Variants in FER observed in about 807,000 individuals in gnomAD.
The protein encoded by FER is tyrosine-protein kinase Fer.
Under a neutral mutation model 111.0 loss-of-function variants are expected in FER, and 63 were observed. That is an observed-to-expected ratio of 0.57 (90% CI 0.46 to 0.70). The LOEUF is 0.70. FER is among the 30% of genes least tolerant of loss of function. FER has a pLI of 0.00. For missense variants in FER, 914 were observed against 954.0 expected (o/e 0.96, Z 0.55); for synonymous variants, 327 against 313.9 (o/e 1.04, Z -0.44).
intron 11 of FER, among the ~76,000 whole-genome samples, chr5:108,947,167 T>G (rs1360073964): frequency 6.6e-6 from 1 of 152,060 alleles, no homozygotes; most frequent in Admixed American, 6.6e-5. Context: ...CGTTTTCAAG[T>G]GTTTTTCTGT....
At chr5:108,996,572 G>GGT (rs1373548493) in intron 13 of FER, among the ~76,000 whole-genome samples, 1 of 152,162 alleles carries the variant, frequency 6.6e-6, no homozygotes, top group Non-Finnish European at 1.5e-5. Flanking sequence ...GATGGTTGTA[G>GGT]GTGTGTGGTG....
chr5:108,909,388 G>T (rs10515396), intron 10 of FER, among the ~76,000 whole-genome samples: 40,277 of 151,980 alleles, frequency 0.27, 5,877 homozygotes, highest in African/African-American at 0.37. Context: ...TGAAGGATGT[G>T]ATCTGAAACT....
intron 17 of FER, among the ~76,000 whole-genome samples, chr5:109,128,850 A>T (rs1752040281): frequency 2.0e-5 from 3 of 152,102 alleles, no homozygotes; most frequent in Admixed American, 2.0e-4. Context: ...CTGGAAAAAT[A>T]TGTCACAAAA....
At chr5:108,822,722 T>A (rs151329179) in intron 3 of FER, among the ~76,000 whole-genome samples, 8,000 of 130,544 alleles carry the variant, frequency 0.061, 269 homozygotes, top group Non-Finnish European at 0.07. Context: ...TATTTTATTT[T>A]ATTTTATTTT....
In FER at chr5:108,943,071, T is replaced by C. The variant is rs191584309; in HGVS notation, c.1237-3059T>C. Among the ~76,000 whole-genome samples, 171 of 152,296 alleles carry C rather than the reference T, an allele frequency of 1.1e-3. 1 individual carries two copies. The highest frequency in any genetic ancestry group is 1.9e-3 in the Non-Finnish European group (131 of 68,030). On this transcript the variant is annotated intron_variant, in intron 10 of 19. Coordinates refer to ENST00000281092, the MANE Select transcript of FER (RefSeq NM_005246.4). The stretch of plus-strand genomic sequence containing the variant: ...CAGTTTTTGTTTTAAAGACCCGTTA[T>C]TAACAACAACAGTAAAGGTCTTCCT...
chr5:108,845,033 T>TATAC (rs1761833430), intron 5 of FER, among the ~76,000 whole-genome samples: 1 of 54,474 alleles, frequency 1.8e-5, no homozygotes, highest in Non-Finnish European at 3.5e-5. Flanking sequence ...TATATATATA[T>TATAC]ATATATACAT....
chr5:109,055,882 C>CAA (rs1198822417), intron 16 of FER, among the ~76,000 whole-genome samples: 3 of 101,182 alleles, frequency 3.0e-5, no homozygotes, highest in Non-Finnish European at 6.6e-5. Context: ...AAAACAAAAA[C>CAA]AAAACAACAA....
chr5:108,968,207 C>T (rs1760157917), intron 13 of FER, among the ~76,000 whole-genome samples: 2 of 152,114 alleles, frequency 1.3e-5, no homozygotes, highest in South Asian at 4.2e-4. Context: ...GCCAACATGG[C>T]AAAATGCTTT....
At chr5:108,938,017 A>ATC (rs141336704) in intron 10 of FER, among the ~76,000 whole-genome samples, 12 of 99,208 alleles carry the variant, frequency 1.2e-4, no homozygotes, top group South Asian at 3.2e-4. Context: ...TTTTTTCCCT[A>ATC]TCTCTCTCTC....
chr5:108,914,421 ATTC>A (rs1751986058), intron 10 of FER, among the ~76,000 whole-genome samples: 1 of 152,128 alleles, frequency 6.6e-6, no homozygotes, highest in Admixed American at 6.6e-5. Flanking sequence ...TGTACCTCTT[ATTC>A]TTTCTCTTTT....
chr5:109,106,463 C>A (rs1217716492), intron 17 of FER, among the ~76,000 whole-genome samples: 1 of 151,832 alleles, frequency 6.6e-6, no homozygotes, highest in African/African-American at 2.4e-5. Context: ...GTTGACTAAG[C>A]ATTTATGACT....
chr5:108,798,725 G>A lies in FER; in HGVS notation c.207+336G>A, dbSNP rs115796001. 6.2e-3 allele frequency among the ~76,000 whole-genome samples: 939 copies of A among 152,230 alleles called. 15 individuals are homozygous for A. The highest frequency in any genetic ancestry group is 0.022 in the African/African-American group (905 of 41,534). On this transcript the variant is annotated intron_variant, in intron 3 of 19. Coordinates refer to ENST00000281092, the MANE Select transcript of FER (RefSeq NM_005246.4). ...TAGCTGGGCGTGGTAGCATGTGACT[G>A]TAGTCCTAGCTACTTGGGAGGTTGA...
intron 16 of FER, among the ~76,000 whole-genome samples, chr5:109,050,360 T>C (rs898585226): frequency 2.6e-5 from 4 of 152,112 alleles, no homozygotes; most frequent in Admixed American, 6.5e-5. Flanking sequence ...CAAAAATCCA[T>C]GAGAAAGGTT....
At chr5:109,040,116 G>A (rs527594399) in intron 14 of FER, among the ~76,000 whole-genome samples, 2 of 152,212 alleles carry the variant, frequency 1.3e-5, no homozygotes, top group African/African-American at 4.8e-5. Context: ...GAGAAGAGGT[G>A]TTCAGTTTTG....
chr5:108,763,891 TG>T (rs1046044349), intron 1 of FER, among the ~76,000 whole-genome samples: 1 of 152,222 alleles, frequency 6.6e-6, no homozygotes, highest in African/African-American at 2.4e-5. Context: ...TTGTTTGGGT[TG>T]CTTGATTGTC....
chr5:108,970,289 C>T (rs148900009), intron 13 of FER, among the ~76,000 whole-genome samples: 18,695 of 151,686 alleles, frequency 0.12, 1,578 homozygotes, highest in African/African-American at 0.23. Context: ...AATCTTGGCT[C>T]ACTGCAAGCT....
At chr5:108,817,103 CAAAAAAAAAAAAAAA>C (rs70999913) in intron 3 of FER, among the ~76,000 whole-genome samples, 669 of 59,198 alleles carry the variant, frequency 0.011, 16 homozygotes, top group African/African-American at 0.037. Flanking sequence ...GACACTGTCT[CAAAAAAAAAAAAAAA>C]AAAAAAAAAA....
At chr5:108,820,007 A>G (rs1758680378) in intron 3 of FER, 1 of 985,286 alleles carries the variant, frequency 1.0e-6, no homozygotes, top group Admixed American at 6.2e-5. Context: ...GAAATAGAAA[A>G]TAACAGAACG....
At chr5:109,011,911 G>A (rs1214751514) in intron 13 of FER, among the ~76,000 whole-genome samples, 2 of 152,148 alleles carry the variant, frequency 1.3e-5, no homozygotes, top group East Asian at 3.8e-4. Flanking sequence ...CTCTGTTTCT[G>A]ACAGCCACTA....
Sources: gnomAD v4.1 joint callset for allele counts (sites outside exome capture counted in the v4.1 genomes callset) on GRCh38, gnomAD v4.1.1 for gene constraint, MANE v1.5 for transcripts, NCBI Gene and HGNC (gene_info 2026-07-23, HGNC 2026-07-21) for gene names.